Variants in SLC7A7 observed in about 807,000 individuals in gnomAD.
SLC7A7 encodes the protein Y+L amino acid transporter 1.
Under a neutral mutation model 47.9 loss-of-function variants are expected in SLC7A7, and 39 were observed. That is an observed-to-expected ratio of 0.81 (90% confidence interval 0.63 to 1.06). The LOEUF is 1.06. SLC7A7 is among the 50% of genes least tolerant of loss of function. The probability of loss-of-function intolerance (pLI) is 0.00; values close to 1 mark genes in which losing one functional copy is unlikely to be tolerated. For missense variants in SLC7A7, 588 were observed against 632.0 expected, an observed-to-expected ratio of 0.93 and a Z score of 0.75; for synonymous variants, 234 against 242.8, an observed-to-expected ratio of 0.96 and a Z score of 0.34.
At chr14:22,786,988 C>T (rs956945364) in intron 2 of SLC7A7, among the ~76,000 whole-genome samples, 3 of 152,146 alleles carry the variant, frequency 2.0e-5, no homozygotes, top group African/African-American at 7.2e-5. Flanking sequence ...CATATTTAGT[C>T]TTAGTGACTT....
intron 2 of SLC7A7, among the ~76,000 whole-genome samples, chr14:22,790,327 CAA>C (rs538548693): frequency 1.2e-5 from 1 of 83,196 alleles, no homozygotes; most frequent in African/African-American, 4.4e-5. Context: ...AAGACTGTCT[CAA>C]AAAAAAAAAA....
Position 22,774,012 on chromosome 14 carries a change from G to A in SLC7A7, c.1350C>T (p.Ala450=), listed in dbSNP as rs2139383184. 1.2e-6 allele frequency: 2 copies of A among 1,614,176 alleles called. No individual in the cohort carries two copies. Among genetic ancestry groups the A allele is most frequent in the Non-Finnish European group, 1.7e-6 (2 of 1,180,036 alleles). ...GGAAGTAAAAGGGCAGGCCTGAGAG[G>A]GCAATGGCAATGCCGATGAGGGAGT... ...TINSLIGIAI[A]LSGLPFYFLI... The change falls in exon 9 of 10, where the codon GCC becomes GCT. Residue 450 remains alanine, a synonymous_variant. Transcript: ENST00000674313.
rs540821421 is a variant in SLC7A7, at chr14:22,810,418, C to A, written c.499+2482G>T. Among the ~76,000 whole-genome samples, 11 of 136,910 alleles carry A rather than the reference C, an allele frequency of 8.0e-5. No individual in the cohort carries two copies. In the East Asian group the frequency reaches 1.6e-3, roughly 20 times the overall value. The allele number at this position is 136,910 out of a possible 152,430, so 89.8% of individuals were successfully genotyped here. Reference sequence around the variant, plus strand: ...CAGAGGTTGCGGTGAGCCAAGATCACGCCATTGCATTCCAGCCTGGGCAAC... The same window carrying A: ...CAGAGGTTGCGGTGAGCCAAGATCAAGCCATTGCATTCCAGCCTGGGCAAC... On this transcript the variant is annotated intron_variant, in intron 2 of 9. Coordinates refer to ENST00000674313, the MANE Select transcript of SLC7A7 (RefSeq NM_003982.4).
intron 4 of SLC7A7, among the ~76,000 whole-genome samples, chr14:22,777,768 CT>C (rs1460294248): frequency 3.3e-5 from 5 of 152,170 alleles, no homozygotes; most frequent in African/African-American, 1.2e-4. Context: ...AATTGTGATT[CT>C]TTTCACTTAA....
chr14:22,775,456 A>G lies in SLC7A7; in HGVS notation c.1083T>C (p.Ser361=), dbSNP rs768481415. 3.2e-5 allele frequency: 52 copies of G among 1,613,826 alleles called. No homozygotes were observed. In the South Asian group the frequency reaches 4.5e-4, roughly 14 times the overall value. ...TGAGTTCACTTACATTGAAGAGCAG[A>G]GAAGGCACTGGTGTGAACCGCTCAA... ...IHVERFTPVP[S]LLFNGIMALI... The change falls in exon 7 of 10, where the codon TCT becomes TCC. Residue 361 remains serine (S), a synonymous_variant. Transcript: ENST00000674313.
chr14:22,787,870 G>A lies in SLC7A7; in HGVS notation c.500-7819C>T, dbSNP rs1202640071. Reference sequence around the variant, plus strand: ...AGGCAGATCACAAGGTCAGGAGATCGAGACCATCCTGGCTAACACAATGAA... The same window carrying A: ...AGGCAGATCACAAGGTCAGGAGATCAAGACCATCCTGGCTAACACAATGAA... On this transcript the variant is annotated intron_variant, in intron 2 of 9. Coordinates refer to ENST00000674313, the MANE Select transcript of SLC7A7 (RefSeq NM_003982.4). 2.6e-5 allele frequency among the ~76,000 whole-genome samples: 4 copies of A among 151,942 alleles called. 1 individual carries two copies. The highest frequency in any genetic ancestry group is 5.9e-5 in the Non-Finnish European group (4 of 67,956).
At chr14:22,819,436 A>G (rs2039447448), upstream of SLC7A7, among the ~76,000 whole-genome samples, 1 of 152,144 alleles carries the variant, frequency 6.6e-6, no homozygotes, top group Non-Finnish European at 1.5e-5. Context: ...AGTGAAACAA[A>G]AAAGAAATTG....
intron 4 of SLC7A7, 76 bp from the exon 5 acceptor site, chr14:22,776,394 C>T (rs2038608237): frequency 4.4e-6 from 7 of 1,578,360 alleles, no homozygotes; most frequent in Non-Finnish European, 6.1e-6. Context: ...TTAGACTCTC[C>T]CTGCCACACC....
intron 2 of SLC7A7, among the ~76,000 whole-genome samples, chr14:22,788,475 C>A (rs529562754): frequency 1.7e-4 from 26 of 152,022 alleles, no homozygotes; most frequent in Non-Finnish European, 2.9e-4. Context: ...GAGGCCAAGG[C>A]GGGCAGATCA....
intron 2 of SLC7A7, among the ~76,000 whole-genome samples, chr14:22,781,983 C>T (rs1405155002): frequency 6.6e-6 from 1 of 152,210 alleles, no homozygotes; most frequent in Non-Finnish European, 1.5e-5. Flanking sequence ...CAAGGTTCTT[C>T]TCAGTTCTGT....
At chr14:22,806,389 G>C (rs185307754) in intron 2 of SLC7A7, among the ~76,000 whole-genome samples, 2 of 151,346 alleles carry the variant, frequency 1.3e-5, no homozygotes, top group Non-Finnish European at 2.9e-5. Context: ...TAGAGACAGG[G>C]TTTCACCATA....
intron 2 of SLC7A7, among the ~76,000 whole-genome samples, chr14:22,802,263 C>G (rs998743001): frequency 6.6e-6 from 1 of 151,974 alleles, no homozygotes; most frequent in South Asian, 2.1e-4. Context: ...ATTAGCAGGG[C>G]GGGGTGACAT....
chr14:22,776,167 C>T, intron 5 of SLC7A7, 28 bp downstream of exon 5: 1 of 1,614,162 alleles, frequency 6.2e-7, no homozygotes, highest in Middle Eastern at 1.6e-4. Context: ...AAGACACCCT[C>T]AACCTTCTGC....
At chr14:22,817,129 A>ATT (rs1368748283), upstream of SLC7A7, 10 of 100,370 alleles carry the variant, frequency 1.0e-4, no homozygotes, top group South Asian at 6.1e-4. Flanking sequence ...CCTTCCTTTT[A>ATT]TTTTTTTTTT....
At chr14:22,818,569 A>G (rs868003394), upstream of SLC7A7, among the ~76,000 whole-genome samples, 1 of 123,646 alleles carries the variant, frequency 8.1e-6, no homozygotes, top group South Asian at 2.7e-4. Flanking sequence ...GGGCTCTTCT[A>G]CCCCAGGTTT....
rs146953679 is a variant in SLC7A7, at chr14:22,798,816, T to C, written c.499+14084A>G. 9.7e-4 allele frequency among the ~76,000 whole-genome samples: 148 copies of C among 152,296 alleles called. 2 individuals are homozygous for C. The highest frequency in any genetic ancestry group is 3.5e-3 in the African/African-American group (145 of 41,554). ...TTCCAAATGACATTTTATTCCTTATTTTAAACTTAATAGCTCCTCCAGAAA... is the reference window on the plus strand; with the variant it reads ...TTCCAAATGACATTTTATTCCTTATCTTAAACTTAATAGCTCCTCCAGAAA... On this transcript the variant is annotated intron_variant, in intron 2 of 9. Transcript: ENST00000674313.
intron 2 of SLC7A7, 39 bp from the exon 3 acceptor site, chr14:22,780,090 C>A: frequency 4.3e-6 from 7 of 1,612,520 alleles, no homozygotes; most frequent in Non-Finnish European, 5.9e-6. Flanking sequence ...CTTACCCTTA[C>A]CACCCTAGGG....
chr14:22,774,652 T>C, intron 7 of SLC7A7, 149 bp from the exon 8 acceptor site: 5 of 985,824 alleles, frequency 5.1e-6, no homozygotes, highest in Middle Eastern at 3.0e-4. Flanking sequence ...CACCCTAGTT[T>C]CAGTACCTTA....
rs572696141 is a variant in SLC7A7, at chr14:22,812,229, C to T, written c.499+671G>A. ...TTGCCCAGGCTGGAGTGCAGTGGTG[C>T]GATCTTGGCTCACCGCAACCTCTGC... On this transcript the variant is annotated intron_variant, in intron 2 of 9. Coordinates refer to ENST00000674313, the MANE Select transcript of SLC7A7 (RefSeq NM_003982.4). Among the ~76,000 whole-genome samples, 142 of 151,694 alleles carry T rather than the reference C, an allele frequency of 9.4e-4. 1 individual carries two copies. In the East Asian group the frequency reaches 0.022, roughly 24 times the overall value.
Sources: allele counts gnomAD v4.1 joint callset (sites outside exome capture counted in the v4.1 genomes callset), GRCh38; gene constraint gnomAD v4.1.1; transcripts MANE v1.5; gene names NCBI Gene and HGNC (gene_info 2026-07-23, HGNC 2026-07-21).